Variants in PTGES3 observed in about 807,000 individuals in gnomAD.
PTGES3 encodes the protein Hsp90 co-chaperone.
Under a neutral mutation model 29.9 loss-of-function variants are expected in PTGES3, and 5 were observed. That is an observed-to-expected ratio of 0.17 (90% CI 0.09 to 0.35). PTGES3 has a LOEUF of 0.35. PTGES3 is among the 10% of genes least tolerant of loss of function. The pLI is 1.00. For missense variants in PTGES3, 128 were observed against 190.0 expected (o/e 0.67, Z 1.92); for synonymous variants, 49 against 57.8 (o/e 0.85, Z 0.69).
intron 1 of PTGES3, among the ~76,000 whole-genome samples, chr12:56,680,872 G>A (rs1182674027): frequency 6.6e-6 from 1 of 151,600 alleles, no homozygotes; most frequent in African/African-American, 2.4e-5. Flanking sequence ...TGACTTCGCA[G>A]GCTCAGGTGA....
At chr12:56,670,621 G>A in intron 4 of PTGES3, 1 of 363,484 alleles carries the variant, frequency 2.8e-6, no homozygotes. Context: ...ACACCGTACT[G>A]ATGTTAACTT....
At position 56,680,078 on chromosome 12, in the gene PTGES3, G is replaced by GTTT. The variant is rs111760867; in HGVS notation, c.3-7016_3-7014dup. On this transcript the variant is annotated intron_variant, in intron 1 of 7. Coordinates refer to ENST00000262033, the MANE Select transcript of PTGES3 (RefSeq NM_006601.7). The stretch of plus-strand genomic sequence containing the variant: ...TTCCATTTTTGTTTTATTGGTTTTG[G>GTTT]TTTTTTTTTTTTTTTGAGAAAGTCT... 2.8e-3 allele frequency among the ~76,000 whole-genome samples: 396 copies of GTTT among 139,584 alleles called. 4 individuals carry two copies. Among genetic ancestry groups the GTTT allele is most frequent in the African/African-American group, 6.5e-3 (248 of 38,150 alleles). The allele number at this position is 139,584 out of a possible 152,430, so 91.6% of individuals were successfully genotyped here.
intron 1 of PTGES3, chr12:56,686,878 G>A (rs1952888613): frequency 2.9e-6 from 1 of 340,674 alleles, no homozygotes; most frequent in Non-Finnish European, 5.1e-6. Flanking sequence ...CTTTTCCAAA[G>A]ACATAAAGTC....
chr12:56,665,436 A>G (rs920144267), intron 6 of PTGES3: 2 of 873,302 alleles, frequency 2.3e-6, no homozygotes, highest in Non-Finnish European at 2.7e-6. Flanking sequence ...CTGGGATTAC[A>G]GGCACCCGCC....
intron 6 of PTGES3, chr12:56,665,119 G>A: frequency 1.0e-6 from 1 of 985,246 alleles, no homozygotes; most frequent in Non-Finnish European, 1.2e-6. Flanking sequence ...AAAATGGACT[G>A]ATAGAAGACA....
At chr12:56,666,748 T>A (rs1015803137) in intron 5 of PTGES3, among the ~76,000 whole-genome samples, 2 of 152,106 alleles carry the variant, frequency 1.3e-5, no homozygotes, top group Admixed American at 1.3e-4. Context: ...TGCCTCGGCC[T>A]CCAGGGTAGC....
At chr12:56,686,772 A>G (rs762544215) in intron 1 of PTGES3, 133 of 397,876 alleles carry the variant, frequency 3.3e-4, no homozygotes, top group Admixed American at 1.9e-3. Flanking sequence ...GCTTGTTCCC[A>G]GTGATAAACT....
rs34739170 is a variant in PTGES3, at chr12:56,676,920, CAAAAAAAAA to C, written c.3-3864_3-3856del. ...TGGGTGAGAGAGTGAGATTCCGACT[CAAAAAAAAA>C]AAAAAAAAAAAAAAAAATAGTGCTG... On this transcript the variant is annotated intron_variant, in intron 1 of 7. Coordinates refer to ENST00000262033, the MANE Select transcript of PTGES3 (RefSeq NM_006601.7). Among the ~76,000 whole-genome samples, 36 of 50,552 alleles carry C rather than the reference CAAAAAAAAA, an allele frequency of 7.1e-4. No homozygotes were observed. In the South Asian group the frequency reaches 0.012, roughly 17 times the overall value. 33.2% of individuals were successfully genotyped at this position (50,552 alleles called of 152,430 possible).
chr12:56,681,867 A>T (rs934866333), intron 1 of PTGES3, among the ~76,000 whole-genome samples: 2 of 151,712 alleles, frequency 1.3e-5, no homozygotes, highest in Non-Finnish European at 2.9e-5. Flanking sequence ...AAAAAAAAAG[A>T]GTCTCACTCT....
At chr12:56,687,776 G>A (rs570207200) in intron 1 of PTGES3, 4 of 1,380,604 alleles carry the variant, frequency 2.9e-6, no homozygotes, top group Admixed American at 3.4e-5. Context: ...CCGGCATGGG[G>A]AAGCCAAGGA....
intron 4 of PTGES3, chr12:56,670,652 G>T: frequency 3.7e-6 from 1 of 268,450 alleles, no homozygotes; most frequent in Non-Finnish European, 7.2e-6. Context: ...CCTGACATAT[G>T]GCAATGCAAC....
chr12:56,672,689 T>C, intron 3 of PTGES3, 51 bp downstream of exon 3: 1 of 1,489,684 alleles, frequency 6.7e-7, no homozygotes, highest in East Asian at 2.3e-5. Context: ...ATACTTGGTA[T>C]GTCTGTTTCC....
At chr12:56,682,345 G>GCC (rs776698260) in intron 1 of PTGES3, among the ~76,000 whole-genome samples, 3 of 152,102 alleles carry the variant, frequency 2.0e-5, no homozygotes, top group Non-Finnish European at 4.4e-5. Flanking sequence ...GACTGCTTGA[G>GCC]CCCAAGAGTT....
At chr12:56,685,920 G>A (rs1263131498) in intron 1 of PTGES3, among the ~76,000 whole-genome samples, 1 of 151,330 alleles carries the variant, frequency 6.6e-6, no homozygotes, top group Non-Finnish European at 1.5e-5. Context: ...GGGACTACAG[G>A]CATGCACCAC....
chr12:56,685,395 T>C (rs925759974), intron 1 of PTGES3, among the ~76,000 whole-genome samples: 16 of 96,264 alleles, frequency 1.7e-4, no homozygotes, highest in Non-Finnish European at 2.4e-4. Context: ...GCATTTTTTC[T>C]TTTCTTTTTT....
chr12:56,668,891 A>G (rs1951884198), intron 5 of PTGES3, among the ~76,000 whole-genome samples: 2 of 152,146 alleles, frequency 1.3e-5, no homozygotes, highest in African/African-American at 2.4e-5. Context: ...TTCTGCCTAT[A>G]TAGAGATGAA....
chr12:56,685,988 G>T (rs1431922701), intron 1 of PTGES3, among the ~76,000 whole-genome samples: 1 of 151,790 alleles, frequency 6.6e-6, no homozygotes, highest in Non-Finnish European at 1.5e-5. Context: ...TATTGGCCAG[G>T]CTGGTCTCTA....
chr12:56,687,761 G>T (rs963999743), intron 1 of PTGES3: 1 of 1,380,200 alleles, frequency 7.2e-7, no homozygotes. Flanking sequence ...GTAAAAGTAG[G>T]ATTTCCGGCA....
intron 1 of PTGES3, chr12:56,686,979 T>TA (rs1171515734): frequency 2.5e-5 from 9 of 364,870 alleles, no homozygotes; most frequent in Non-Finnish European, 4.2e-5. Context: ...AGGACGTAGT[T>TA]AGTACCTTGA....
Sources: allele counts gnomAD v4.1 joint callset (sites outside exome capture counted in the v4.1 genomes callset), GRCh38; gene constraint gnomAD v4.1.1; transcripts MANE v1.5; gene names NCBI Gene and HGNC (gene_info 2026-07-23, HGNC 2026-07-21).